The following CAPZB variants were observed in gnomAD, a reference collection of about 807,000 sequenced individuals.
The protein encoded by CAPZB is F-actin-capping protein subunit beta.
A neutral mutation model predicts 38.1 loss-of-function variants in CAPZB; 2 were observed. The ratio of observed to expected loss-of-function variants is 0.05; its 90% CI spans 0.02 to 0.17. The LOEUF (loss-of-function observed/expected upper bound fraction) is 0.17. Ranked by LOEUF, CAPZB falls within the 10% of genes least tolerant of loss-of-function variation. The probability of loss-of-function intolerance (pLI) is 1.00; values close to 1 mark genes in which losing one functional copy is unlikely to be tolerated. For synonymous variants in CAPZB, 107 were observed against 127.4 expected (o/e 0.84, Z 1.08); for missense variants, 161 against 334.2 (o/e 0.48, Z 4.04).
intron 1 of CAPZB, among the ~76,000 whole-genome samples, chr1:19,451,597 C>A (rs764628587): frequency 6.6e-6 from 1 of 152,026 alleles, no homozygotes; most frequent in Non-Finnish European, 1.5e-5. Context: ...GAGAGGGAGA[C>A]GCCACCATCC....
chr1:19,367,182 G>A (rs752045195), intron 4 of CAPZB, among the ~76,000 whole-genome samples: 9 of 152,270 alleles, frequency 5.9e-5, no homozygotes, highest in Non-Finnish European at 2.9e-5. Context: ...ACGAGGGGCT[G>A]GAGAGTGTGG....
At chr1:19,483,476 A>G (rs1297878876) in intron 1 of CAPZB, among the ~76,000 whole-genome samples, 1 of 152,260 alleles carries the variant, frequency 6.6e-6, no homozygotes, top group Non-Finnish European at 1.5e-5. Flanking sequence ...AACAGCTTGT[A>G]CAGGTGAAGC....
At chr1:19,345,321 C>A in intron 6 of CAPZB, 69 bp from the exon 7 acceptor site, 1 of 1,257,988 alleles carries the variant, frequency 7.9e-7, no homozygotes. Flanking sequence ...ACAGCCCACC[C>A]CACCTCCACG....
intron 2 of CAPZB, among the ~76,000 whole-genome samples, chr1:19,411,510 C>G (rs1228554584): frequency 2.0e-5 from 3 of 152,136 alleles, no homozygotes; most frequent in African/African-American, 7.2e-5. Flanking sequence ...TTGCAGTCTC[C>G]TGGAATCAGT....
chr1:19,451,812 AC>A (rs2094517104), intron 1 of CAPZB, among the ~76,000 whole-genome samples: 1 of 151,880 alleles, frequency 6.6e-6, no homozygotes, highest in African/African-American at 2.4e-5. Context: ...CATAGCTGAA[AC>A]CGAACTAGGT....
intron 2 of CAPZB, among the ~76,000 whole-genome samples, chr1:19,406,733 TTAAA>T (rs2094334389): frequency 6.6e-6 from 1 of 152,104 alleles, no homozygotes; most frequent in African/African-American, 2.4e-5. Context: ...GGTGTGCAGT[TTAAA>T]TAAGCAAAGG....
chr1:19,467,841 C>T (rs2094573775), intron 1 of CAPZB, among the ~76,000 whole-genome samples: 1 of 152,218 alleles, frequency 6.6e-6, no homozygotes, highest in Non-Finnish European at 1.5e-5. Context: ...TCCCCGACAT[C>T]GTTTCCACAC....
rs1472952077 is a variant in CAPZB at position 19,339,528 on chromosome 1, GT to G, written c.*1del. 2 of 1,608,056 alleles carry G rather than the reference GT, an allele frequency of 1.2e-6. No individual in the cohort carries two copies. The highest frequency in any genetic ancestry group is 2.2e-5 in the East Asian group (1 of 44,854). ...CGTGTCTGGTTAGCATGAAACAGAG[GT>G]TTAGCATTGCTGCTTTCTCTTCAAA... On this transcript the variant is annotated 3_prime_UTR_variant, in exon 9 of 9. Transcript: ENST00000264202.
chr1:19,435,995 C>T (rs1200344791), intron 1 of CAPZB, among the ~76,000 whole-genome samples: 1 of 152,180 alleles, frequency 6.6e-6, no homozygotes, highest in Non-Finnish European at 1.5e-5. Flanking sequence ...CTGACTCCAC[C>T]GGGTCCCAGC....
intron 1 of CAPZB, among the ~76,000 whole-genome samples, chr1:19,452,344 A>T (rs770904533): frequency 8.5e-5 from 13 of 152,226 alleles, no homozygotes; most frequent in Non-Finnish European, 1.3e-4. Flanking sequence ...CCACTGGGAC[A>T]TAGGCTCCAG....
chr1:19,455,836 A>T (rs2094531362), intron 1 of CAPZB, among the ~76,000 whole-genome samples: 1 of 152,232 alleles, frequency 6.6e-6, no homozygotes, highest in Non-Finnish European at 1.5e-5. Context: ...TGAATAGGTC[A>T]CAATCTCAAG....
intron 1 of CAPZB, among the ~76,000 whole-genome samples, chr1:19,451,959 T>A (rs574241511): frequency 2.3e-4 from 35 of 152,308 alleles, no homozygotes; most frequent in Middle Eastern, 3.4e-3. Flanking sequence ...ATTGTAATTA[T>A]TATTTTATTA....
chr1:19,423,759 C>T (rs2094411029), intron 1 of CAPZB, among the ~76,000 whole-genome samples: 1 of 152,002 alleles, frequency 6.6e-6, no homozygotes, highest in Non-Finnish European at 1.5e-5. Flanking sequence ...ACAATGTCGG[C>T]TCACTGTAGC....
intron 6 of CAPZB, among the ~76,000 whole-genome samples, chr1:19,349,082 T>G (rs2093977932): frequency 6.6e-6 from 1 of 152,096 alleles, no homozygotes; most frequent in Admixed American, 6.5e-5. Context: ...TCGGCAGCAC[T>G]GGAGCGTCTG....
At chr1:19,359,818 C>T (rs1417216172) in intron 4 of CAPZB, among the ~76,000 whole-genome samples, 2 of 152,252 alleles carry the variant, frequency 1.3e-5, no homozygotes, top group African/African-American at 4.8e-5. Context: ...GAGCTCACTG[C>T]TGGCAGAGGT....
intron 2 of CAPZB, among the ~76,000 whole-genome samples, chr1:19,387,081 G>GTAGGCCCTTTACA (rs144183690): frequency 0.68 from 102,762 of 151,810 alleles, 35,253 homozygotes; most frequent in African/African-American, 0.8. Context: ...ACGCACTATG[G>GTAGGCCCTTTACA]TAGAGCATAT....
At chr1:19,380,859 A>G (rs1219645274) in intron 3 of CAPZB, among the ~76,000 whole-genome samples, 1 of 148,840 alleles carries the variant, frequency 6.7e-6, no homozygotes, top group Admixed American at 6.6e-5. Flanking sequence ...ACGCTCATTA[A>G]AAAAAAAAAT....
At chr1:19,432,869 G>A (rs2100588484) in intron 1 of CAPZB, among the ~76,000 whole-genome samples, 1 of 152,332 alleles carries the variant, frequency 6.6e-6, no homozygotes, top group South Asian at 2.1e-4. Flanking sequence ...CACAAAATCA[G>A]ATAGGGGCAA....
chr1:19,393,991 C>A (rs957779223), intron 2 of CAPZB, among the ~76,000 whole-genome samples: 8 of 152,176 alleles, frequency 5.3e-5, no homozygotes, highest in African/African-American at 1.9e-4. Flanking sequence ...GCGCTGAGGG[C>A]CATATTTTTT....
Sources: allele counts gnomAD v4.1 joint callset (sites outside exome capture counted in the v4.1 genomes callset), GRCh38; gene constraint gnomAD v4.1.1; transcripts MANE v1.5; gene names NCBI Gene and HGNC (gene_info 2026-07-23, HGNC 2026-07-21).